SPECC1: variants seen among roughly 807,000 people sequenced by gnomAD.
SPECC1 encodes the protein sperm antigen with calponin homology and coiled-coil domains 1, also known as cytospin-B.
Under a neutral mutation model 104.1 loss-of-function variants are expected in SPECC1, and 62 were observed. That is an observed-to-expected ratio of 0.60 (90% CI 0.49 to 0.74). SPECC1 has a LOEUF of 0.74. SPECC1 is among the 30% of genes least tolerant of loss of function. The pLI is 0.00. For missense variants in SPECC1, 1,306 were observed against 1,310.5 expected (o/e 1.00, Z 0.05); for synonymous variants, 513 against 501.6 (o/e 1.02, Z -0.30).
At chr17:20,161,942 G>A (rs138426272) in intron 3 of SPECC1, among the ~76,000 whole-genome samples, 6,272 of 151,064 alleles carry the variant, frequency 0.042, 154 homozygotes, top group Middle Eastern at 0.065. Context: ...CTACAGGTGC[G>A]TGCCACCATG....
At chr17:20,267,557 G>T (rs911698647) in intron 12 of SPECC1, among the ~76,000 whole-genome samples, 1 of 152,056 alleles carries the variant, frequency 6.6e-6, no homozygotes, top group Non-Finnish European at 1.5e-5. Context: ...GCCAAGTGAT[G>T]TCTCTGGCTT....
chr17:20,072,255 G>A (rs912552621), intron 1 of SPECC1, among the ~76,000 whole-genome samples: 2 of 152,206 alleles, frequency 1.3e-5, no homozygotes, highest in Non-Finnish European at 2.9e-5. Flanking sequence ...TGGACCTCAT[G>A]GTCTAGAGCT....
intron 3 of SPECC1, among the ~76,000 whole-genome samples, chr17:20,195,157 G>A (rs1010107264): frequency 3.6e-4 from 54 of 152,038 alleles, no homozygotes; most frequent in African/African-American, 1.2e-3. Flanking sequence ...CTGTTGTTAC[G>A]CTCTCCAAAG....
intron 12 of SPECC1, among the ~76,000 whole-genome samples, chr17:20,270,129 G>T (rs933628846): frequency 6.6e-6 from 1 of 152,048 alleles, no homozygotes; most frequent in Non-Finnish European, 1.5e-5. Context: ...GGACTGGAGT[G>T]GCTGCTTAGT....
At chr17:20,133,163 AGTTTGTC>A (rs2049744794) in intron 3 of SPECC1, among the ~76,000 whole-genome samples, 1 of 151,684 alleles carries the variant, frequency 6.6e-6, no homozygotes, top group African/African-American at 2.4e-5. Flanking sequence ...TTTTGTCAGA[AGTTTGTC>A]AATTTTATAA....
chr17:20,182,875 G>A (rs1266174095), intron 3 of SPECC1, among the ~76,000 whole-genome samples: 1 of 152,150 alleles, frequency 6.6e-6, no homozygotes, highest in Non-Finnish European at 1.5e-5. Flanking sequence ...GCCACACCCA[G>A]CTGCAAAAGA....
At chr17:20,213,585 G>A (rs1471141625) in intron 4 of SPECC1, among the ~76,000 whole-genome samples, 4 of 152,350 alleles carry the variant, frequency 2.6e-5, no homozygotes, top group Admixed American at 6.5e-5. Context: ...ATACAATGGA[G>A]AAATTCACAG....
intron 3 of SPECC1, among the ~76,000 whole-genome samples, chr17:20,125,362 G>A (rs1194042901): frequency 6.6e-6 from 1 of 152,068 alleles, no homozygotes; most frequent in East Asian, 1.9e-4. Flanking sequence ...TCATAAGTTC[G>A]GAACTGTCTG....
Position 20,315,996 on chromosome 17 carries a change from G to A in SPECC1, c.*1931G>A. On this transcript the variant is annotated 3_prime_UTR_variant, in exon 15 of 15. Transcript: ENST00000395527. ...CTGCTTGGAGAACCACTGAGGGGTG[G>A]ACACCTTCCCCTGGCAGCCACAAGG... 1 of 232,746 alleles carries A rather than the reference G, an allele frequency of 4.3e-6. No homozygotes were observed. The highest frequency in any genetic ancestry group is 8.5e-6 in the Non-Finnish European group (1 of 117,688). 14.4% of individuals were successfully genotyped at this position (232,746 alleles called of 1,614,324 possible). A position where few individuals can be genotyped will look rare whatever the true frequency, so the allele number is the denominator to read the frequency against.
intron 4 of SPECC1, among the ~76,000 whole-genome samples, chr17:20,223,718 A>G (rs2038037654): frequency 6.6e-6 from 1 of 152,152 alleles, no homozygotes; most frequent in Non-Finnish European, 1.5e-5. Context: ...AATATATCGA[A>G]AGGATTCTAA....
At chr17:20,197,168 G>C (rs2036092415) in intron 3 of SPECC1, among the ~76,000 whole-genome samples, 1 of 152,200 alleles carries the variant, frequency 6.6e-6, no homozygotes, top group Non-Finnish European at 1.5e-5. Context: ...GGCCAGGAAA[G>C]GGGGTCCCTG....
chr17:20,264,628 C>T (rs1406154186), intron 12 of SPECC1, among the ~76,000 whole-genome samples: 1 of 151,904 alleles, frequency 6.6e-6, no homozygotes, highest in East Asian at 1.9e-4. Context: ...CACCCCACCA[C>T]ACCTGGCTAA....
chr17:20,257,156 G>A (rs1598095445), intron 10 of SPECC1, among the ~76,000 whole-genome samples: 1 of 152,166 alleles, frequency 6.6e-6, no homozygotes, highest in East Asian at 1.9e-4. Flanking sequence ...GGCTTCGTTG[G>A]CACTTGCACA....
intron 3 of SPECC1, among the ~76,000 whole-genome samples, chr17:20,177,102 A>G (rs1166896746): frequency 1.3e-5 from 2 of 152,210 alleles, no homozygotes; most frequent in African/African-American, 4.8e-5. Flanking sequence ...GTCCTAAAGG[A>G]TGAAGAGGCC....
chr17:20,011,921 C>G (rs1363082690), intron 1 of SPECC1, among the ~76,000 whole-genome samples: 1 of 147,674 alleles, frequency 6.8e-6, no homozygotes, highest in Non-Finnish European at 1.5e-5. Context: ...ATCACAGATA[C>G]TTTTCTTTGG....
At chr17:20,242,046 C>A (rs1354307525) in intron 7 of SPECC1, among the ~76,000 whole-genome samples, 1 of 152,142 alleles carries the variant, frequency 6.6e-6, no homozygotes, top group Non-Finnish European at 1.5e-5. Flanking sequence ...GGTTGACATG[C>A]GACCCGCCCT....
At chr17:20,061,319 A>G (rs1393767250) in intron 1 of SPECC1, among the ~76,000 whole-genome samples, 1 of 152,124 alleles carries the variant, frequency 6.6e-6, no homozygotes, top group Admixed American at 6.5e-5. Flanking sequence ...TGACCCACTC[A>G]CCTCGGCCTC....
intron 12 of SPECC1, among the ~76,000 whole-genome samples, chr17:20,275,424 A>C (rs935017777): frequency 6.6e-6 from 1 of 152,194 alleles, no homozygotes; most frequent in African/African-American, 2.4e-5. Context: ...TATAGTAAAA[A>C]GTGCAATAGG....
rs1157847856 is a variant in SPECC1, at chr17:20,117,703, CAAAAAA to C, written c.283+7154_283+7159del. On this transcript the variant is annotated intron_variant, in intron 3 of 14. Coordinates refer to ENST00000395527, the MANE Select transcript of SPECC1 (RefSeq NM_001243439.2). ...GGAGGCTGAGGTGGGATGATTGTCT[CAAAAAA>C]AAAAAAAAAAAAGAAAAGGAAAAAT... Among the ~76,000 whole-genome samples, 3 of 59,608 alleles carry C rather than the reference CAAAAAA, an allele frequency of 5.0e-5. No individual in the cohort carries two copies. The East Asian group carries it at 1.7e-3, about 34-fold the overall frequency. The allele number at this position is 59,608 out of a possible 152,430, so 39.1% of individuals were successfully genotyped here.
Sources: allele counts gnomAD v4.1 joint callset (sites outside exome capture counted in the v4.1 genomes callset), GRCh38; gene constraint gnomAD v4.1.1; transcripts MANE v1.5; gene names NCBI Gene and HGNC (gene_info 2026-07-23, HGNC 2026-07-21).